Variants in DBF4B observed in about 807,000 individuals in gnomAD.
The protein encoded by DBF4B is DBF4B-CDC7 kinase regulatory subunit.
In DBF4B, 49 loss-of-function variants were observed where a neutral mutation model predicts 53.4. The observed-to-expected ratio is 0.92, with a 90% CI of 0.73 to 1.16. The LOEUF (loss-of-function observed/expected upper bound fraction) is 1.16, where lower values mean the gene tolerates loss of function less well. Among genes scored for constraint, DBF4B ranks in the 50% most tolerant of loss-of-function variants. DBF4B has a pLI of 0.00. For missense variants in DBF4B, 692 were observed against 775.0 expected (o/e 0.89, Z 1.27); for synonymous variants, 257 against 288.7 (o/e 0.89, Z 1.11).
chr17:44,728,087 G>A (rs1204654754), intron 3 of DBF4B, among the ~76,000 whole-genome samples: 1 of 151,914 alleles, frequency 6.6e-6, no homozygotes, highest in Non-Finnish European at 1.5e-5. Context: ...GTTTCAGCAG[G>A]GCTCACTCCT....
Position 44,751,197 on chromosome 17 carries a change from T to A in DBF4B, c.1792T>A (p.Trp598Arg). ...GHLCQAKPQGWNTPQPFLHCG... is the reference protein window; with the variant it reads ...GHLCQAKPQGRNTPQPFLHCG... The stretch of plus-strand genomic sequence containing the variant: ...TCTCTGCCAGGCCAAACCCCAAGGC[T>A]GGAACACTCCTCAGCCATTTCTCCA... Residue 598 changes from tryptophan to arginine, a missense_variant, in exon 14 of 14, where the codon TGG (tryptophan) becomes AGG (arginine). Physicochemically the swap from Trp to Arg is moderately radical, Grantham distance 101. Transcript: ENST00000315005. 6.2e-7 allele frequency: 1 copy of A among 1,614,028 alleles called. No homozygotes were observed. Among genetic ancestry groups the A allele is most frequent in the African/African-American group, 1.3e-5 (1 of 75,032 alleles).
intron 3 of DBF4B, among the ~76,000 whole-genome samples, chr17:44,728,894 C>G (rs895109788): frequency 2.0e-5 from 3 of 151,988 alleles, no homozygotes; most frequent in African/African-American, 7.3e-5. Context: ...GTCAGGAGTT[C>G]CAGACCAGCC....
chr17:44,741,976 G>A (rs994477065), intron 10 of DBF4B, among the ~76,000 whole-genome samples: 3 of 152,112 alleles, frequency 2.0e-5, no homozygotes, highest in African/African-American at 7.2e-5. Flanking sequence ...GCTGGGCACA[G>A]TGGCTGATGC....
At chr17:44,730,178 T>C in intron 4 of DBF4B, 82 bp downstream of exon 4, 1 of 1,407,664 alleles carries the variant, frequency 7.1e-7, no homozygotes. Flanking sequence ...GTCTCTGGTT[T>C]TAATTTCATC....
chr17:44,715,376 T>C (rs920658445), intron 2 of DBF4B, among the ~76,000 whole-genome samples: 3 of 152,090 alleles, frequency 2.0e-5, no homozygotes, highest in African/African-American at 7.2e-5. Flanking sequence ...TTTGTATTTT[T>C]AGTAGAAATG....
In DBF4B at chr17:44,749,241, C is replaced by T; in HGVS notation, c.1189+776C>T. 7.7e-7 allele frequency: 1 copy of T among 1,290,568 alleles called. No individual in the cohort carries two copies. The highest frequency in any genetic ancestry group is 1.2e-5 in the South Asian group (1 of 81,736). 79.9% of individuals were successfully genotyped at this position (1,290,568 alleles called of 1,614,324 possible). ...CCCAGCCTCTCCAGGTGCCCTGTCT[C>T]CCTGTCTCCCAGCCCTGGTCCCAAC... On this transcript the variant is annotated intron_variant, in intron 13 of 13. Transcript: ENST00000315005. The surrounding 1 kb of genome is among the most constrained non-coding windows in gnomAD (Gnocchi z 4.4).
intron 10 of DBF4B, among the ~76,000 whole-genome samples, chr17:44,746,350 T>C (rs1567674674): frequency 6.6e-6 from 1 of 151,934 alleles, no homozygotes; most frequent in African/African-American, 2.4e-5. Flanking sequence ...TGAACCAAGC[T>C]GGGGAGACAT....
chr17:44,735,065 A>C (rs1975233466), intron 7 of DBF4B, among the ~76,000 whole-genome samples: 1 of 152,078 alleles, frequency 6.6e-6, no homozygotes, highest in Non-Finnish European at 1.5e-5. Flanking sequence ...GCACCACTGC[A>C]CTCCAGCCTA....
At chr17:44,748,547 T>A (rs1222591528) in intron 13 of DBF4B, 82 bp downstream of exon 13, 1 of 1,592,464 alleles carries the variant, frequency 6.3e-7, no homozygotes, top group Non-Finnish European at 8.6e-7. Context: ...CCTGGACCTA[T>A]AGCAAGCTGC....
At chr17:44,736,264 G>A (rs1009532507) in intron 7 of DBF4B, among the ~76,000 whole-genome samples, 3 of 151,818 alleles carry the variant, frequency 2.0e-5, no homozygotes, top group Admixed American at 6.6e-5. Context: ...AATTACAGAC[G>A]TGAGCCACCA....
chr17:44,748,251 A>G (rs1169043594), intron 12 of DBF4B, 90 bp from the exon 13 acceptor site: 1 of 1,489,096 alleles, frequency 6.7e-7, no homozygotes, highest in Non-Finnish European at 9.0e-7. Flanking sequence ...ATGAACCGCC[A>G]GCTGTGGCAG....
At chr17:44,743,777 T>C (rs886652558) in intron 10 of DBF4B, among the ~76,000 whole-genome samples, 4 of 151,698 alleles carry the variant, frequency 2.6e-5, no homozygotes, top group African/African-American at 9.7e-5. Context: ...GCCCGGCTAA[T>C]TGTTTGTGTT....
Position 44,727,142 on chromosome 17 carries a change from A to G in DBF4B, c.226-2763A>G, listed in dbSNP as rs145909487. ...AAAAAACCATATATATATTTAGGCT[A>G]GGCTCAGTGGCTCGTGCCTGTAATC... On this transcript the variant is annotated intron_variant, in intron 3 of 13. Transcript: ENST00000315005. Among the ~76,000 whole-genome samples, 621 of 144,598 alleles carry G rather than the reference A, an allele frequency of 4.3e-3. 3 individuals are homozygous for G. Among genetic ancestry groups the G allele is most frequent in the African/African-American group, 0.015 (588 of 39,150 alleles). 94.9% of individuals were successfully genotyped at this position (144,598 alleles called of 152,430 possible).
chr17:44,752,068 C>A lies in DBF4B; in HGVS notation c.*815C>A. The A allele has an allele frequency of 1.5e-6, 2 of 1,373,254 alleles. No individual in the cohort carries two copies. Among genetic ancestry groups the A allele is most frequent in the South Asian group, 1.2e-5 (1 of 80,536 alleles). The allele number at this position is 1,373,254 out of a possible 1,614,324, so 85.1% of individuals were successfully genotyped here. On this transcript the variant is annotated 3_prime_UTR_variant, in exon 14 of 14. Coordinates refer to ENST00000315005, the MANE Select transcript of DBF4B (RefSeq NM_145663.3). ...TCTTCTCGCTGAGCCTTTCACTTCTCGGCAGATGTGACCGATTGGTAGCTC... is the reference window on the plus strand; with the variant it reads ...TCTTCTCGCTGAGCCTTTCACTTCTAGGCAGATGTGACCGATTGGTAGCTC...
chr17:44,717,696 A>C, intron 2 of DBF4B, among the ~76,000 whole-genome samples: 1 of 143,646 alleles, frequency 7.0e-6, no homozygotes, highest in Admixed American at 6.9e-5. Context: ...GTACAAAGCA[A>C]GACCTGGTCT....
In DBF4B at chr17:44,734,303, AC is replaced by A. The variant is rs1975138992; in HGVS notation, c.630+142del. 12 of 1,032,528 alleles carry A rather than the reference AC, an allele frequency of 1.2e-5. No individual in the cohort carries two copies. In the South Asian group the frequency reaches 1.8e-4, roughly 15 times the overall value. The allele number at this position is 1,032,528 out of a possible 1,614,324, so 64.0% of individuals were successfully genotyped here. A position where few individuals can be genotyped will look rare whatever the true frequency, so the allele number is the denominator to read the frequency against. Reference sequence around the variant, plus strand: ...GGAAGAGGAATGCAGCCTCTTATTTACCTCAGTCCTAGTGCCCATAGCTTTG... The same window carrying A: ...GGAAGAGGAATGCAGCCTCTTATTTACTCAGTCCTAGTGCCCATAGCTTTG... On this transcript the variant is annotated intron_variant, in intron 7 of 13. Transcript: ENST00000315005.
In DBF4B at chr17:44,749,534, A is replaced by C. The variant is rs774815230; in HGVS notation, c.1190-1061A>C. On this transcript the variant is annotated intron_variant, in intron 13 of 13. Coordinates refer to ENST00000315005, the MANE Select transcript of DBF4B (RefSeq NM_145663.3). This position sits in a 1 kb window ranked among gnomAD's most constrained non-coding sequence, Gnocchi z 4.4. Reference sequence around the variant, plus strand: ...TCACGCTCAGCTCCATGGAGCTGACAGAGCCACCCCTCCCACTGGCCAGGT... The same window carrying C: ...TCACGCTCAGCTCCATGGAGCTGACCGAGCCACCCCTCCCACTGGCCAGGT... 1 of 1,229,364 alleles carries C rather than the reference A, an allele frequency of 8.1e-7. No individual in the cohort carries two copies. Among genetic ancestry groups the C allele is most frequent in the Non-Finnish European group, 1.0e-6 (1 of 958,710 alleles). 76.2% of individuals were successfully genotyped at this position (1,229,364 alleles called of 1,614,324 possible). A position where few individuals can be genotyped will look rare whatever the true frequency, so the allele number is the denominator to read the frequency against.
At chr17:44,736,942 C>A (rs139654160) in intron 8 of DBF4B, 76 bp downstream of exon 8, 24 of 1,530,376 alleles carry the variant, frequency 1.6e-5, no homozygotes, top group Non-Finnish European at 1.8e-5. Flanking sequence ...CCCTCTGTGG[C>A]AGCATCTGCT....
At chr17:44,746,952 C>A in intron 10 of DBF4B, 131 bp from the exon 11 acceptor site, 1 of 753,592 alleles carries the variant, frequency 1.3e-6, no homozygotes, top group Non-Finnish European at 2.3e-6. Flanking sequence ...GCCTGCCTGC[C>A]GGTGCCTGCA....
Sources: allele counts gnomAD v4.1 joint callset (sites outside exome capture counted in the v4.1 genomes callset), GRCh38; gene constraint gnomAD v4.1.1; non-coding constraint Gnocchi (gnomAD v3.1); transcripts MANE v1.5; gene names NCBI Gene and HGNC (gene_info 2026-07-23, HGNC 2026-07-21).